SYNPR: variants seen among roughly 807,000 people sequenced by gnomAD.
SYNPR encodes synaptoporin.
A neutral mutation model predicts 32.9 loss-of-function variants in SYNPR; 23 were observed. That is an observed-to-expected ratio of 0.70 (90% CI 0.50 to 0.99). The LOEUF (loss-of-function observed/expected upper bound fraction) is 0.99, where lower values mean the gene tolerates loss of function less well. Among genes scored for constraint, SYNPR ranks in the 50% least tolerant of loss-of-function variants. SYNPR has a pLI of 0.00. For synonymous variants in SYNPR, 146 were observed against 135.9 expected (o/e 1.07, Z -0.52); for missense variants, 318 against 349.3 (o/e 0.91, Z 0.71).
At chr3:63,563,027 T>C (rs919533759) in intron 4 of SYNPR, among the ~76,000 whole-genome samples, 3 of 152,190 alleles carry the variant, frequency 2.0e-5, no homozygotes, top group Admixed American at 6.5e-5. Context: ...TGTAGCACTA[T>C]TATTATCATT....
intron 4 of SYNPR, among the ~76,000 whole-genome samples, chr3:63,598,488 G>A (rs890371790): frequency 6.6e-6 from 1 of 152,244 alleles, no homozygotes; most frequent in Admixed American, 6.5e-5. Flanking sequence ...TCACTGAACA[G>A]ATACTTAAAA....
At chr3:63,406,597 G>A (rs1018514479) in intron 2 of SYNPR, among the ~76,000 whole-genome samples, 2 of 152,026 alleles carry the variant, frequency 1.3e-5, no homozygotes, top group African/African-American at 4.8e-5. Flanking sequence ...CTGTCAGAGA[G>A]GAAAAGAAGA....
chr3:63,225,465 A>G (rs2086121297), upstream of SYNPR, among the ~76,000 whole-genome samples: 2 of 152,184 alleles, frequency 1.3e-5, no homozygotes, highest in Non-Finnish European at 2.9e-5. Flanking sequence ...CCACCCTGGC[A>G]TCAACTCTTG....
intron 2 of SYNPR, among the ~76,000 whole-genome samples, chr3:63,477,587 G>C (rs1043566530): frequency 6.6e-6 from 1 of 152,072 alleles, no homozygotes; most frequent in African/African-American, 2.4e-5. Flanking sequence ...CCTTTATCTC[G>C]GCTGCCTGCT....
At chr3:63,594,618 G>T (rs1321492641) in intron 4 of SYNPR, among the ~76,000 whole-genome samples, 1 of 152,076 alleles carries the variant, frequency 6.6e-6, no homozygotes, top group Non-Finnish European at 1.5e-5. Context: ...TATAAAATGG[G>T]ATTACAATAG....
At chr3:63,211,626 T>C in the SYNPR span, among the ~76,000 whole-genome samples, 1 of 152,094 alleles carries the variant, frequency 6.6e-6, no homozygotes, top group Admixed American at 6.5e-5. Context: ...GGAGAAAAAT[T>C]AGCCTGCCAT....
At chr3:63,525,313 A>C (rs1266105986) in intron 3 of SYNPR, among the ~76,000 whole-genome samples, 1 of 152,184 alleles carries the variant, frequency 6.6e-6, no homozygotes, top group Non-Finnish European at 1.5e-5. Flanking sequence ...CATTAGAATC[A>C]GCTGTGGAAC....
intron 5 of SYNPR, among the ~76,000 whole-genome samples, chr3:63,611,687 CT>C (rs796888606): frequency 2.6e-5 from 4 of 151,948 alleles, no homozygotes; most frequent in African/African-American, 9.7e-5. Flanking sequence ...AACTTTATTT[CT>C]TTTTTTTCAT....
intron 2 of SYNPR, among the ~76,000 whole-genome samples, chr3:63,453,205 C>G (rs759306867): frequency 5.3e-5 from 8 of 152,124 alleles, no homozygotes; most frequent in Non-Finnish European, 1.0e-4. Context: ...GGTTGTGATG[C>G]TAACTGACCA....
intron 2 of SYNPR, among the ~76,000 whole-genome samples, chr3:63,410,419 G>C (rs149459948): frequency 6.6e-6 from 1 of 152,252 alleles, no homozygotes; most frequent in East Asian, 1.9e-4. Flanking sequence ...GTCTGGGTCT[G>C]CTCTATGTCA....
chr3:63,403,432 G>A (rs919843324), intron 2 of SYNPR, among the ~76,000 whole-genome samples: 1 of 129,378 alleles, frequency 7.7e-6, no homozygotes, highest in Non-Finnish European at 1.6e-5. Context: ...TCATACGTAT[G>A]TATACACATA....
At chr3:63,392,961 A>G (rs1335165565) in intron 2 of SYNPR, among the ~76,000 whole-genome samples, 1 of 152,118 alleles carries the variant, frequency 6.6e-6, no homozygotes, top group African/African-American at 2.4e-5. Context: ...TGATTCTTCT[A>G]TATGTATTTT....
At chr3:63,460,806 A>G (rs77395549) in intron 2 of SYNPR, among the ~76,000 whole-genome samples, 2,669 of 152,148 alleles carry the variant, frequency 0.018, 80 homozygotes, top group African/African-American at 0.061. Flanking sequence ...TGTATTCTGG[A>G]AAGACAGCCC....
intron 3 of SYNPR, among the ~76,000 whole-genome samples, chr3:63,545,945 A>G (rs772039288): frequency 2.0e-5 from 3 of 152,136 alleles, no homozygotes; most frequent in Non-Finnish European, 4.4e-5. Context: ...ATACATTTCT[A>G]TACTAACCGA....
chr3:63,389,963 C>G (rs1054942378), intron 2 of SYNPR, among the ~76,000 whole-genome samples: 1 of 152,194 alleles, frequency 6.6e-6, no homozygotes, highest in African/African-American at 2.4e-5. Flanking sequence ...ATAGCAAGCC[C>G]ACTCTGGGCT....
chr3:63,463,048 C>T (rs1225757218), intron 2 of SYNPR, among the ~76,000 whole-genome samples: 2 of 152,150 alleles, frequency 1.3e-5, no homozygotes, highest in African/African-American at 4.8e-5. Flanking sequence ...AATCACAGTC[C>T]TCAGAGACTA....
At chr3:63,424,614 C>T (rs992604386) in intron 2 of SYNPR, among the ~76,000 whole-genome samples, 2 of 151,932 alleles carry the variant, frequency 1.3e-5, no homozygotes, top group South Asian at 2.1e-4. Flanking sequence ...GGTAAGAAAA[C>T]CATAGTATCT....
At chr3:63,572,937 A>AT (rs1307681897) in intron 4 of SYNPR, among the ~76,000 whole-genome samples, 1 of 151,894 alleles carries the variant, frequency 6.6e-6, no homozygotes. Context: ...TGTGTGTGTG[A>AT]TTTTTTTCCT....
chr3:63,506,858 TATG>T (rs375238714), intron 3 of SYNPR, among the ~76,000 whole-genome samples: 335 of 152,318 alleles, frequency 2.2e-3, no homozygotes, highest in Middle Eastern at 0.01. Context: ...AGCACTGGGC[TATG>T]AGAACCTTGG....
Sources: gnomAD v4.1 joint callset for allele counts (sites outside exome capture counted in the v4.1 genomes callset) on GRCh38, gnomAD v4.1.1 for gene constraint, MANE v1.5 for transcripts, NCBI Gene and HGNC (gene_info 2026-07-23, HGNC 2026-07-21) for gene names.